SLC7A8: variants seen among roughly 807,000 people sequenced by gnomAD.
SLC7A8 encodes large neutral amino acids transporter small subunit 2.
A neutral mutation model predicts 51.2 loss-of-function variants in SLC7A8; 30 were observed. The observed-to-expected ratio is 0.59, with a 90% CI of 0.44 to 0.80. The LOEUF is 0.80. Among genes scored for constraint, SLC7A8 ranks in the 30% least tolerant of loss-of-function variants. SLC7A8 has a pLI of 0.00. For synonymous variants in SLC7A8, 257 were observed against 275.8 expected, an observed-to-expected ratio of 0.93 and a Z score of 0.67; for missense variants, 612 against 674.4, an observed-to-expected ratio of 0.91 and a Z score of 1.03.
chr14:23,143,351 A>C, intron 3 of SLC7A8, 147 bp from the exon 4 acceptor site: 1 of 1,138,610 alleles, frequency 8.8e-7, no homozygotes, highest in South Asian at 1.5e-5. Context: ...CCCAGGGACC[A>C]GAGACTTTGG....
intron 3 of SLC7A8, among the ~76,000 whole-genome samples, chr14:23,153,323 C>T (rs1302149393): frequency 1.3e-5 from 2 of 152,176 alleles, no homozygotes; most frequent in African/African-American, 2.4e-5. Flanking sequence ...CCAGCTAATT[C>T]GCAGCAAAGA....
chr14:23,137,929 G>C lies in SLC7A8; in HGVS notation c.1008C>G (p.Thr336=). 6.2e-7 allele frequency: 1 copy of C among 1,613,890 alleles called. No individual in the cohort carries two copies. Among genetic ancestry groups the C allele is most frequent in the Non-Finnish European group, 8.5e-7 (1 of 1,179,990 alleles). ...TFGGVNGSLF[T]SSRLFFAGAR... ...GCCCAGGCAGCACTCACCGAGAGGA[G>C]GTGAAGAGAGACCCATTAACTCCTC... is the stretch of plus-strand genomic sequence containing the variant. Residue 336 remains threonine, a synonymous_variant, in exon 7 of 11, where the codon ACC becomes ACG. Coordinates refer to ENST00000316902, the MANE Select transcript of SLC7A8 (RefSeq NM_012244.4).
intron 4 of SLC7A8, among the ~76,000 whole-genome samples, chr14:23,141,699 C>G (rs900752678): frequency 3.3e-5 from 5 of 152,296 alleles, no homozygotes; most frequent in Admixed American, 3.3e-4. Context: ...AGTGATCTGC[C>G]TGCATTGGCC....
intron 1 of SLC7A8, among the ~76,000 whole-genome samples, chr14:23,181,453 G>A (rs573537053): frequency 2.4e-5 from 2 of 82,008 alleles, no homozygotes; most frequent in African/African-American, 8.6e-5. Flanking sequence ...TGGTGGGGGT[G>A]GGGGGGGGAT....
At chr14:23,133,334 G>A (rs1481114940) in intron 7 of SLC7A8, among the ~76,000 whole-genome samples, 4 of 151,314 alleles carry the variant, frequency 2.6e-5, no homozygotes, top group Admixed American at 6.6e-5. Flanking sequence ...CTAATTACTC[G>A]GGAGGCTGAG....
chr14:23,131,851 T>C (rs1372348919), intron 7 of SLC7A8, among the ~76,000 whole-genome samples: 1 of 152,188 alleles, frequency 6.6e-6, no homozygotes, highest in African/African-American at 2.4e-5. Flanking sequence ...CAGTGGGGTG[T>C]TCCCAATGCC....
At chr14:23,161,141 C>G (rs1006669901) in intron 3 of SLC7A8, among the ~76,000 whole-genome samples, 1 of 152,028 alleles carries the variant, frequency 6.6e-6, no homozygotes, top group Non-Finnish European at 1.5e-5. Flanking sequence ...CGCTCAGGAT[C>G]CGGCAGGCAA....
intron 7 of SLC7A8, among the ~76,000 whole-genome samples, chr14:23,137,048 C>T (rs1006589368): frequency 9.9e-5 from 15 of 152,202 alleles, no homozygotes; most frequent in Admixed American, 7.2e-4. Context: ...ATCTTTGGAG[C>T]AGGACTGTAC....
At chr14:23,163,827 T>C (rs2048935997) in intron 3 of SLC7A8, among the ~76,000 whole-genome samples, 1 of 152,216 alleles carries the variant, frequency 6.6e-6, no homozygotes, top group South Asian at 2.1e-4. Flanking sequence ...TTGAGATGAC[T>C]AATATCAGAG....
chr14:23,139,631 T>A, intron 5 of SLC7A8, 84 bp from the exon 6 acceptor site: 1 of 1,500,586 alleles, frequency 6.7e-7, no homozygotes, highest in Non-Finnish European at 9.0e-7. Context: ...TCTTCTGTCT[T>A]TCTGCATGCG....
intron 1 of SLC7A8, among the ~76,000 whole-genome samples, chr14:23,170,746 T>C (rs2048971631): frequency 6.6e-6 from 1 of 151,668 alleles, no homozygotes; most frequent in African/African-American, 2.4e-5. Flanking sequence ...CGCTTGGCTG[T>C]GGGTCTCACC....
rs1231063898 is a variant in SLC7A8, at chr14:23,128,175, T to C, written c.1285A>G (p.Ile429Val). Residue 429 changes from isoleucine (I) to valine (V), a missense_variant, in exon 10 of 11, where the codon ATC (isoleucine) becomes GTC (valine). Physicochemically the swap from Ile to Val is conservative, Grantham distance 29. Transcript: ENST00000316902. The surrounding 1 kb of genome is among the most constrained non-coding windows in gnomAD (Gnocchi z 4.3). ...AGGAAGGCCCAGAACAGCAAGTAGA[T>C]GATGGGGAACAGCAGGTTGATCTGT... ...PIKINLLFPI[I>V]YLLFWAFLLV... 1 of 1,613,924 alleles carries C rather than the reference T, an allele frequency of 6.2e-7. No homozygotes were observed. The highest frequency in any genetic ancestry group is 1.7e-5 in the Admixed American group (1 of 60,006).
chr14:23,144,348 T>A (rs909050776), intron 3 of SLC7A8, among the ~76,000 whole-genome samples: 15 of 150,450 alleles, frequency 1.0e-4, no homozygotes, highest in Non-Finnish European at 1.3e-4. Context: ...ACAATTTTTT[T>A]TTTTTTTTTT....
At chr14:23,152,046 CA>C (rs555399484) in intron 3 of SLC7A8, among the ~76,000 whole-genome samples, 177 of 151,732 alleles carry the variant, frequency 1.2e-3, no homozygotes, top group African/African-American at 4.2e-3. Context: ...TCAAACAAAA[CA>C]AAACAAAAAC....
chr14:23,151,509 T>G (rs1016158948), intron 3 of SLC7A8, among the ~76,000 whole-genome samples: 1 of 151,868 alleles, frequency 6.6e-6, no homozygotes, highest in Non-Finnish European at 1.5e-5. Context: ...GTAATCCCAG[T>G]GACAGTAGAG....
At chr14:23,137,826 A>G (rs2048704547) in intron 7 of SLC7A8, 95 bp downstream of exon 7, 5 of 1,489,754 alleles carry the variant, frequency 3.4e-6, no homozygotes, top group Non-Finnish European at 4.5e-6. Context: ...ATGCCCACAC[A>G]GACCCCTGCT....
At chr14:23,175,362 C>T (rs767384428) in intron 1 of SLC7A8, among the ~76,000 whole-genome samples, 1 of 152,250 alleles carries the variant, frequency 6.6e-6, no homozygotes, top group African/African-American at 2.4e-5. Flanking sequence ...GAATCTGCCA[C>T]CACATCTGGC....
At chr14:23,162,823 G>A (rs2048930816) in intron 3 of SLC7A8, among the ~76,000 whole-genome samples, 1 of 152,132 alleles carries the variant, frequency 6.6e-6, no homozygotes, top group African/African-American at 2.4e-5. Flanking sequence ...TGGCTGCCTG[G>A]GAACTTCTTC....
intron 6 of SLC7A8, among the ~76,000 whole-genome samples, chr14:23,138,720 C>T (rs2048714315): frequency 6.6e-6 from 1 of 152,228 alleles, no homozygotes; most frequent in Non-Finnish European, 1.5e-5. Context: ...CCAGCCTTTT[C>T]TATATTCCCT....
Sources: gnomAD v4.1 joint callset for allele counts (sites outside exome capture counted in the v4.1 genomes callset) on GRCh38, gnomAD v4.1.1 for gene constraint, Gnocchi (gnomAD v3.1) non-coding constraint, MANE v1.5 for transcripts, NCBI Gene and HGNC (gene_info 2026-07-23, HGNC 2026-07-21) for gene names.